Variants in SDK1 observed in about 807,000 individuals in gnomAD.
SDK1 encodes the protein protein sidekick-1.
In SDK1, 157 loss-of-function variants were observed where a neutral mutation model predicts 245.5. The ratio of observed to expected loss-of-function variants is 0.64; its 90% CI spans 0.56 to 0.73. The LOEUF (loss-of-function observed/expected upper bound fraction) is 0.73. Ranked by LOEUF, SDK1 falls within the 30% of genes least tolerant of loss-of-function variation. The pLI is 0.00. For synonymous variants in SDK1, 1,647 were observed against 1,278.5 expected, an observed-to-expected ratio of 1.29 and a Z score of -6.15; for missense variants, 3,583 against 3,002.3, an observed-to-expected ratio of 1.19 and a Z score of -4.52.
chr7:3,398,995 AGT>A (rs971326744), intron 1 of SDK1, among the ~76,000 whole-genome samples: 1 of 151,988 alleles, frequency 6.6e-6, no homozygotes, highest in Non-Finnish European at 1.5e-5. Context: ...ATGTTGGGAG[AGT>A]GGGACTTCCG....
At chr7:4,023,776 G>A (rs758372038) in intron 17 of SDK1, among the ~76,000 whole-genome samples, 14 of 152,322 alleles carry the variant, frequency 9.2e-5, no homozygotes, top group Middle Eastern at 3.4e-3. Flanking sequence ...CACAAATTCA[G>A]TTTTTGTTAG....
chr7:3,425,834 C>T (rs1307550868), intron 1 of SDK1, among the ~76,000 whole-genome samples: 1 of 152,076 alleles, frequency 6.6e-6, no homozygotes, highest in Non-Finnish European at 1.5e-5. Context: ...CCTACACTTC[C>T]TTAGGAGACT....
At chr7:3,644,793 CAAAA>C (rs59276438) in intron 4 of SDK1, among the ~76,000 whole-genome samples, 3 of 108,896 alleles carry the variant, frequency 2.8e-5, no homozygotes, top group East Asian at 2.5e-4. Context: ...AAAAAAAAAA[CAAAA>C]AACAACAACA....
chr7:3,524,296 A>G (rs1205639245), intron 1 of SDK1, among the ~76,000 whole-genome samples: 1 of 152,162 alleles, frequency 6.6e-6, no homozygotes, highest in African/African-American at 2.4e-5. Flanking sequence ...GGAAACAACA[A>G]AATCCTACTT....
At chr7:3,677,565 G>T (rs1049455417) in intron 4 of SDK1, among the ~76,000 whole-genome samples, 2 of 152,194 alleles carry the variant, frequency 1.3e-5, no homozygotes, top group Admixed American at 6.5e-5. Context: ...AACCACCCCC[G>T]TGATTCAATT....
chr7:3,938,273 C>G (rs1054188947), intron 5 of SDK1, among the ~76,000 whole-genome samples: 1 of 152,150 alleles, frequency 6.6e-6, no homozygotes, highest in African/African-American at 2.4e-5. Context: ...ACTGAAAAGA[C>G]TTATGATCCC....
At chr7:3,645,772 A>G (rs368550829) in intron 4 of SDK1, among the ~76,000 whole-genome samples, 1 of 152,200 alleles carries the variant, frequency 6.6e-6, no homozygotes, top group Non-Finnish European at 1.5e-5. Flanking sequence ...TTATATACCC[A>G]CAGAGATGCC....
intron 1 of SDK1, among the ~76,000 whole-genome samples, chr7:3,498,869 A>C (rs893474473): frequency 6.6e-6 from 1 of 151,920 alleles, no homozygotes; most frequent in Non-Finnish European, 1.5e-5. Context: ...TCTGAAAGGC[A>C]TTTCTTATCC....
At chr7:3,662,426 T>C (rs1380755897) in intron 4 of SDK1, among the ~76,000 whole-genome samples, 1 of 152,126 alleles carries the variant, frequency 6.6e-6, no homozygotes, top group African/African-American at 2.4e-5. Context: ...GATACATTAG[T>C]CCTGAAAGTG....
intron 14 of SDK1, among the ~76,000 whole-genome samples, chr7:4,000,065 G>A (rs982282025): frequency 2.6e-5 from 4 of 152,206 alleles, no homozygotes; most frequent in Non-Finnish European, 4.4e-5. Flanking sequence ...GAAAGCAGGA[G>A]GCTGAGGGCC....
intron 1 of SDK1, among the ~76,000 whole-genome samples, chr7:3,451,144 C>T (rs757000697): frequency 3.3e-5 from 5 of 151,930 alleles, no homozygotes; most frequent in African/African-American, 4.8e-5. Context: ...TAGGGCTGAG[C>T]GAGGGTGTGG....
intron 4 of SDK1, among the ~76,000 whole-genome samples, chr7:3,791,969 C>G (rs1385695277): frequency 6.7e-6 from 1 of 149,070 alleles, no homozygotes; most frequent in Non-Finnish European, 1.5e-5. Context: ...CCAAAAAATG[C>G]AAAAAAAAAT....
At chr7:4,174,500 C>T (rs1584368206) in intron 33 of SDK1, 143 bp downstream of exon 33, 27 of 943,046 alleles carry the variant, frequency 2.9e-5, no homozygotes, top group Middle Eastern at 3.5e-4. Context: ...AGGGAGCAGG[C>T]GGGTTTACCC....
At chr7:3,608,639 A>G (rs896713665) in intron 1 of SDK1, among the ~76,000 whole-genome samples, 5 of 152,232 alleles carry the variant, frequency 3.3e-5, no homozygotes, top group Non-Finnish European at 7.3e-5. Context: ...TTTACATTGT[A>G]TAATGAAACG....
intron 4 of SDK1, among the ~76,000 whole-genome samples, chr7:3,745,519 A>C (rs1779590631): frequency 6.8e-6 from 1 of 147,748 alleles, no homozygotes; most frequent in Non-Finnish European, 1.5e-5. Flanking sequence ...CACTGGTTTC[A>C]GTATGCCCTC....
chr7:3,899,637 C>T (rs1215143119), intron 5 of SDK1, among the ~76,000 whole-genome samples: 1 of 152,226 alleles, frequency 6.6e-6, no homozygotes, highest in Non-Finnish European at 1.5e-5. Flanking sequence ...CCCAGGCCTG[C>T]TCAGCCAGGT....
intron 30 of SDK1, among the ~76,000 whole-genome samples, chr7:4,152,169 G>A (rs916973250): frequency 2.6e-5 from 4 of 152,208 alleles, no homozygotes; most frequent in African/African-American, 9.6e-5. Flanking sequence ...CACGGAACTG[G>A]CAGCCAAGAA....
intron 4 of SDK1, among the ~76,000 whole-genome samples, chr7:3,791,333 G>A (rs1781081673): frequency 1.3e-5 from 2 of 152,184 alleles, no homozygotes; most frequent in Admixed American, 6.5e-5. Context: ...TTTGGGAACT[G>A]TTTTGAATTA....
At chr7:4,123,124 T>G (rs1476707912) in intron 25 of SDK1, among the ~76,000 whole-genome samples, 2 of 152,128 alleles carry the variant, frequency 1.3e-5, no homozygotes, top group African/African-American at 4.8e-5. Context: ...GATTTGTAGG[T>G]CTATAGGGAG....
Sources: allele counts gnomAD v4.1 joint callset (sites outside exome capture counted in the v4.1 genomes callset), GRCh38; gene constraint gnomAD v4.1.1; transcripts MANE v1.5; gene names NCBI Gene and HGNC (gene_info 2026-07-23, HGNC 2026-07-21).